The following WDR45B variants were observed in gnomAD, a reference collection of about 807,000 sequenced individuals.
WDR45B encodes the protein WD repeat domain 45B.
WDR45B carries 20 observed loss-of-function variants against 44.6 expected under a neutral mutation model. The observed-to-expected ratio is 0.45, with a 90% CI of 0.32 to 0.65. The LOEUF (loss-of-function observed/expected upper bound fraction) is 0.65. WDR45B is among the 30% of genes least tolerant of loss of function. WDR45B has a pLI of 0.05. For missense variants in WDR45B, 323 were observed against 430.2 expected, an observed-to-expected ratio of 0.75 and a Z score of 2.20; for synonymous variants, 169 against 164.9, an observed-to-expected ratio of 1.02 and a Z score of -0.19.
At chr17:82,641,956 GA>G (rs35183254) in intron 2 of WDR45B, among the ~76,000 whole-genome samples, 38,747 of 147,508 alleles carry the variant, frequency 0.26, 5,542 homozygotes, top group Middle Eastern at 0.41. Context: ...GGAAAAAAGA[GA>G]AAAAAAAAAT....
chr17:82,631,276 C>CG (rs1568009755), intron 2 of WDR45B, among the ~76,000 whole-genome samples: 1 of 114,712 alleles, frequency 8.7e-6, no homozygotes, highest in Non-Finnish European at 1.8e-5. Context: ...ATACAGGACT[C>CG]ATTTTTTTTT....
chr17:82,636,027 C>T (rs1291879992), intron 2 of WDR45B, among the ~76,000 whole-genome samples: 2 of 151,846 alleles, frequency 1.3e-5, no homozygotes, highest in African/African-American at 2.4e-5. Flanking sequence ...GCAGAGGGTG[C>T]GGTGAGCCGA....
At chr17:82,628,911 A>C (rs896494693) in intron 3 of WDR45B, among the ~76,000 whole-genome samples, 1 of 151,450 alleles carries the variant, frequency 6.6e-6, no homozygotes, top group African/African-American at 2.4e-5. Flanking sequence ...AGGCGGAAGG[A>C]TCACCTGAGC....
intron 8 of WDR45B, 94 bp from the exon 9 acceptor site, chr17:82,616,739 G>C (rs74962425): frequency 0.067 from 100,296 of 1,504,896 alleles, 3,849 homozygotes; most frequent in Middle Eastern, 0.17. Flanking sequence ...ATACGAAAAT[G>C]CTCCTTCATA....
At chr17:82,637,710 G>A (rs1325831716) in intron 2 of WDR45B, among the ~76,000 whole-genome samples, 2 of 152,016 alleles carry the variant, frequency 1.3e-5, no homozygotes, top group Non-Finnish European at 2.9e-5. Flanking sequence ...ATATTACAAA[G>A]GATACAGATG....
At chr17:82,642,786 G>C (rs1463213912) in intron 2 of WDR45B, among the ~76,000 whole-genome samples, 1 of 152,192 alleles carries the variant, frequency 6.6e-6, no homozygotes, top group Non-Finnish European at 1.5e-5. Context: ...GTGCTGTTAA[G>C]AGTGGAGAGA....
intron 5 of WDR45B, among the ~76,000 whole-genome samples, chr17:82,623,875 C>T (rs1197151862): frequency 6.6e-6 from 1 of 152,012 alleles, no homozygotes; most frequent in Non-Finnish European, 1.5e-5. Flanking sequence ...AAGGAGATGC[C>T]GTTACCAGTG....
intron 2 of WDR45B, among the ~76,000 whole-genome samples, chr17:82,632,611 CG>C (rs1208601321): frequency 6.6e-6 from 1 of 152,138 alleles, no homozygotes; most frequent in African/African-American, 2.4e-5. Flanking sequence ...GCATGGTTCA[CG>C]TAACTCAGGA....
At chr17:82,637,731 T>C (rs2045852617) in intron 2 of WDR45B, among the ~76,000 whole-genome samples, 1 of 151,958 alleles carries the variant, frequency 6.6e-6, no homozygotes, top group Non-Finnish European at 1.5e-5. Flanking sequence ...AAGAGATGCA[T>C]AGGGCAAGGT....
chr17:82,617,037 G>A (rs775187127), intron 8 of WDR45B, among the ~76,000 whole-genome samples: 3 of 152,130 alleles, frequency 2.0e-5, no homozygotes, highest in Non-Finnish European at 4.4e-5. Flanking sequence ...GGATGGTCTC[G>A]AACTCCTGAC....
At chr17:82,648,149 G>A (rs1197824423) in intron 1 of WDR45B, 125 bp downstream of exon 1, 2 of 1,133,482 alleles carry the variant, frequency 1.8e-6, no homozygotes, top group Non-Finnish European at 2.4e-6. Context: ...GGGAGCTCGG[G>A]CGGGGCCGGG....
intron 3 of WDR45B, chr17:82,629,852 C>T: frequency 2.0e-6 from 2 of 985,362 alleles, no homozygotes; most frequent in Non-Finnish European, 2.4e-6. Context: ...CGTGATATCA[C>T]CCAGATCCTA....
Position 82,643,394 on chromosome 17 carries a change from T to C in WDR45B, c.142+555A>G, listed in dbSNP as rs989303416. 6.0e-5 allele frequency among the ~76,000 whole-genome samples: 9 copies of C among 151,148 alleles called. No homozygotes were observed. The East Asian group carries it at 7.7e-4, about 13-fold the overall frequency. ...GTTGCAATGAGCCGAGGTCATGCCATTGCACTCCAGCCTGGGCGACAGAGC... is the reference window on the plus strand; with the variant it reads ...GTTGCAATGAGCCGAGGTCATGCCACTGCACTCCAGCCTGGGCGACAGAGC... On this transcript the variant is annotated intron_variant, in intron 2 of 9. Coordinates refer to ENST00000392325, the MANE Select transcript of WDR45B (RefSeq NM_019613.4).
In WDR45B at chr17:82,615,881, G is replaced by A; in HGVS notation, c.*38C>T. The A allele has an allele frequency of 1.3e-6, 2 of 1,591,678 alleles. No individual in the cohort carries two copies. Among genetic ancestry groups the A allele is most frequent in the Non-Finnish European group, 8.6e-7 (1 of 1,160,784 alleles). Reference sequence around the variant, plus strand: ...TGGCACCAGCCCCGAGAGTCTGAAGGCGGCAGGTGGTGGGTGCTGTGGCGC... The same window carrying A: ...TGGCACCAGCCCCGAGAGTCTGAAGACGGCAGGTGGTGGGTGCTGTGGCGC... On this transcript the variant is annotated 3_prime_UTR_variant, in exon 10 of 10. Transcript: ENST00000392325.
At chr17:82,642,268 G>T (rs577236530) in intron 2 of WDR45B, among the ~76,000 whole-genome samples, 1 of 152,140 alleles carries the variant, frequency 6.6e-6, no homozygotes, top group Non-Finnish European at 1.5e-5. Flanking sequence ...ACAGATCAGC[G>T]GCAGCATACG....
chr17:82,620,683 A>G (rs1343946393), intron 6 of WDR45B, among the ~76,000 whole-genome samples: 1 of 152,216 alleles, frequency 6.6e-6, no homozygotes, highest in Admixed American at 6.5e-5. Flanking sequence ...CCTACAAAGT[A>G]ACACCGGGTT....
In WDR45B at chr17:82,631,862, A is replaced by T. The variant is rs1314486837; in HGVS notation, c.143-840T>A. ...ATGCTTGGGAGGCTGAGGCGGGCAGATGATGAGGTCAAGAGACTGAGACCA... is the reference window on the plus strand; with the variant it reads ...ATGCTTGGGAGGCTGAGGCGGGCAGTTGATGAGGTCAAGAGACTGAGACCA... On this transcript the variant is annotated intron_variant, in intron 2 of 9. Transcript: ENST00000392325. Among the ~76,000 whole-genome samples the T allele has an allele frequency of 1.3e-5, 2 of 152,058 alleles. 1 individual carries two copies. Among genetic ancestry groups the T allele is most frequent in the South Asian group, 4.2e-4 (2 of 4,802 alleles).
In WDR45B at chr17:82,621,734, G is replaced by T; in HGVS notation, c.493C>A (p.His165Asn). Residue 165 changes from histidine (H) to asparagine (N), a missense_variant, in exon 6 of 10, where the codon CAT becomes AAT. His to Asn is a moderately conservative substitution (Grantham distance 68, BLOSUM62 1). Coordinates refer to ENST00000392325, the MANE Select transcript of WDR45B (RefSeq NM_019613.4). ...CTGGCCAGGTCCACAAGCTGCACAT[G>T]GCCCGTGTGCGTGCCCGGAAAGGCC... ...LLAFPGTHTG[H>N]VQLVDLASTE... 6.2e-7 allele frequency: 1 copy of T among 1,614,172 alleles called. No individual in the cohort carries two copies. Among genetic ancestry groups the T allele is most frequent in the Non-Finnish European group, 8.5e-7 (1 of 1,180,036 alleles).
At chr17:82,617,263 C>T (rs756522770) in intron 8 of WDR45B, 33 bp downstream of exon 8, 40 of 1,601,274 alleles carry the variant, frequency 2.5e-5, no homozygotes, top group South Asian at 5.6e-5. Context: ...TCTCATCCCC[C>T]GGCTTTTCCC....
Sources: allele counts gnomAD v4.1 joint callset (sites outside exome capture counted in the v4.1 genomes callset), GRCh38; gene constraint gnomAD v4.1.1; transcripts MANE v1.5; gene names NCBI Gene and HGNC (gene_info 2026-07-23, HGNC 2026-07-21).